The following KIAA1217 variants were observed in gnomAD, a reference collection of about 807,000 sequenced individuals.
KIAA1217 encodes sickle tail protein homolog.
KIAA1217 carries 88 observed loss-of-function variants against 163.9 expected under a neutral mutation model. That is an observed-to-expected ratio of 0.54 (90% CI 0.45 to 0.64). The LOEUF (loss-of-function observed/expected upper bound fraction) is 0.64. Among genes scored for constraint, KIAA1217 ranks in the 30% least tolerant of loss-of-function variants. The pLI is 0.00. For synonymous variants in KIAA1217, 903 were observed against 923.1 expected, an observed-to-expected ratio of 0.98 and a Z score of 0.39; for missense variants, 2,372 against 2,475.0, an observed-to-expected ratio of 0.96 and a Z score of 0.88.
intron 1 of KIAA1217, among the ~76,000 whole-genome samples, chr10:23,857,373 A>C (rs1839742673): frequency 6.6e-6 from 1 of 152,252 alleles, no homozygotes; most frequent in South Asian, 2.1e-4. Flanking sequence ...ACAGGACGAA[A>C]TAGGAGACCA....
At chr10:24,503,034 T>C (rs370015332) in intron 9 of KIAA1217, among the ~76,000 whole-genome samples, 1 of 152,218 alleles carries the variant, frequency 6.6e-6, no homozygotes. Flanking sequence ...GCCATGGGGA[T>C]GCAACCTCCT....
chr10:23,829,774 G>C (rs1429375915), intron 1 of KIAA1217, among the ~76,000 whole-genome samples: 4 of 152,096 alleles, frequency 2.6e-5, no homozygotes, highest in Admixed American at 2.0e-4. Flanking sequence ...TGGTAATCTT[G>C]GATAGCAAGG....
rs762707701 is a variant in KIAA1217, at chr10:24,126,037, T to G, written c.-170-93589T>G. On this transcript the variant is annotated intron_variant, in intron 2 of 18. Transcript: ENST00000376462. The stretch of plus-strand genomic sequence containing the variant: ...AGCTCATTGTGGATCTATACTAATC[T>G]TCATTCCTCCTTGTCTCAAAGTAAC... Among the ~76,000 whole-genome samples, 23 of 152,194 alleles carry G rather than the reference T, an allele frequency of 1.5e-4. No homozygotes were observed. The South Asian group carries it at 1.9e-3, about 12-fold the overall frequency.
At chr10:24,116,744 C>T (rs933236896) in intron 2 of KIAA1217, among the ~76,000 whole-genome samples, 3 of 152,148 alleles carry the variant, frequency 2.0e-5, no homozygotes, top group African/African-American at 4.8e-5. Context: ...CCTAATAACC[C>T]TCCTTACCTC....
intron 2 of KIAA1217, among the ~76,000 whole-genome samples, chr10:24,284,285 C>A (rs1564403660): frequency 6.6e-6 from 1 of 152,010 alleles, no homozygotes; most frequent in Non-Finnish European, 1.5e-5. Context: ...CAAGGGTATA[C>A]TGTATGATGC....
intron 9 of KIAA1217, among the ~76,000 whole-genome samples, chr10:24,507,154 C>T (rs182205914): frequency 9.8e-5 from 15 of 152,310 alleles, no homozygotes; most frequent in Admixed American, 9.1e-4. Context: ...TTTAACCTAA[C>T]TGCTTAAAAA....
rs149435156 is a variant in KIAA1217 at position 23,816,361 on chromosome 10, C to T, written c.-321+121127C>T. ...AGGCTGGAGTGCAGTGGTGCTATCTCGGCTCACTGCAACCTCCACCTCCTG... is the reference window on the plus strand; with the variant it reads ...AGGCTGGAGTGCAGTGGTGCTATCTTGGCTCACTGCAACCTCCACCTCCTG... On this transcript the variant is annotated intron_variant, in intron 1 of 18. Transcript: ENST00000376462. Among the ~76,000 whole-genome samples, 676 of 152,216 alleles carry T rather than the reference C, an allele frequency of 4.4e-3. 3 individuals are homozygous for T. The highest frequency in any genetic ancestry group is 7.2e-3 in the Non-Finnish European group (491 of 68,014).
intron 2 of KIAA1217, among the ~76,000 whole-genome samples, chr10:24,196,842 T>A (rs2067013079): frequency 6.6e-6 from 1 of 152,232 alleles, no homozygotes; most frequent in Non-Finnish European, 1.5e-5. Flanking sequence ...AGCCTCCAGC[T>A]GTTTTATGGG....
intron 5 of KIAA1217, among the ~76,000 whole-genome samples, chr10:24,445,221 A>G (rs556222794): frequency 7.2e-5 from 11 of 152,218 alleles, no homozygotes; most frequent in African/African-American, 2.4e-4. Flanking sequence ...CATCTGATCA[A>G]TGTTGGACAC....
At chr10:23,995,679 G>A (rs1029212049) in intron 1 of KIAA1217, among the ~76,000 whole-genome samples, 9 of 152,152 alleles carry the variant, frequency 5.9e-5, no homozygotes, top group African/African-American at 1.4e-4. Flanking sequence ...TAAAAGCATT[G>A]AGAAGTTTGG....
At chr10:23,918,733 TACACAC>T (rs1554823731) in intron 1 of KIAA1217, among the ~76,000 whole-genome samples, 17 of 147,578 alleles carry the variant, frequency 1.2e-4, no homozygotes, top group Admixed American at 3.4e-4. Context: ...ATTAAATATA[TACACAC>T]ACACACACAC....
intron 2 of KIAA1217, among the ~76,000 whole-genome samples, chr10:24,371,811 G>A (rs2051693031): frequency 1.3e-5 from 2 of 152,116 alleles, no homozygotes; most frequent in South Asian, 4.2e-4. Flanking sequence ...ATGTTTTATG[G>A]GAAAGTTCCC....
chr10:23,930,833 A>G (rs1404742422), intron 1 of KIAA1217, among the ~76,000 whole-genome samples: 5 of 152,148 alleles, frequency 3.3e-5, no homozygotes, highest in Non-Finnish European at 4.4e-5. Flanking sequence ...CTTAACAATC[A>G]TGTGACCTTG....
chr10:24,479,156 G>A (rs936927717), intron 6 of KIAA1217, among the ~76,000 whole-genome samples: 4 of 152,168 alleles, frequency 2.6e-5, no homozygotes, highest in African/African-American at 9.7e-5. Flanking sequence ...AACCTTCTGT[G>A]TACAGGAGGA....
chr10:23,963,897 CTT>C (rs59540632), intron 1 of KIAA1217, among the ~76,000 whole-genome samples: 29 of 137,856 alleles, frequency 2.1e-4, no homozygotes, highest in Admixed American at 4.3e-4. Context: ...TTTCTCTTTT[CTT>C]TTTTTTTTTT....
chr10:23,703,791 C>T (rs1836652025), intron 1 of KIAA1217, among the ~76,000 whole-genome samples: 1 of 152,024 alleles, frequency 6.6e-6, no homozygotes, highest in South Asian at 2.1e-4. Context: ...AGGGGGTCAG[C>T]AAACTTGTTG....
intron 1 of KIAA1217, among the ~76,000 whole-genome samples, chr10:23,954,011 G>A (rs372384102): frequency 9.2e-5 from 14 of 152,060 alleles, no homozygotes; most frequent in African/African-American, 1.9e-4. Context: ...ACCAACAATC[G>A]TTTAATTTAA....
intron 1 of KIAA1217, among the ~76,000 whole-genome samples, chr10:23,875,947 C>T (rs561571881): frequency 9.0e-4 from 10 of 11,166 alleles, no homozygotes; most frequent in Admixed American, 5.5e-3. Flanking sequence ...TAGGGCTTGT[C>T]GGGGGGTGGG....
chr10:24,420,638 C>T (rs528689969), intron 3 of KIAA1217, among the ~76,000 whole-genome samples: 1 of 152,090 alleles, frequency 6.6e-6, no homozygotes, highest in African/African-American at 2.4e-5. Flanking sequence ...TTTGTTTATG[C>T]GAAGTTTTAG....
Sources: gnomAD v4.1 joint callset for allele counts (sites outside exome capture counted in the v4.1 genomes callset) on GRCh38, gnomAD v4.1.1 for gene constraint, MANE v1.5 for transcripts, NCBI Gene and HGNC (gene_info 2026-07-23, HGNC 2026-07-21) for gene names.